Variants in PSD3 observed in about 807,000 individuals in gnomAD.
PSD3 encodes the protein pleckstrin and Sec7 domain containing 3.
A neutral mutation model predicts 105.5 loss-of-function variants in PSD3; 49 were observed. The observed-to-expected ratio is 0.46, with a 90% CI of 0.37 to 0.59. The LOEUF (loss-of-function observed/expected upper bound fraction) is 0.59. PSD3 is among the 20% of genes least tolerant of loss of function. The pLI is 0.00. For missense variants in PSD3, 1,561 were observed against 1,263.8 expected, an observed-to-expected ratio of 1.24 and a Z score of -3.57; for synonymous variants, 557 against 457.8, an observed-to-expected ratio of 1.22 and a Z score of -2.77.
chr8:18,850,022 T>C (rs1317309693), intron 4 of PSD3, among the ~76,000 whole-genome samples: 3 of 152,226 alleles, frequency 2.0e-5, no homozygotes, highest in African/African-American at 7.2e-5. Context: ...GAAATACAAA[T>C]GTTATCCTAT....
At chr8:18,755,482 CATAAA>C (rs1297523639) in intron 9 of PSD3, among the ~76,000 whole-genome samples, 49 of 151,200 alleles carry the variant, frequency 3.2e-4, no homozygotes, top group African/African-American at 1.2e-3. Context: ...CATAACATAA[CATAAA>C]AATGCTCCAA....
At chr8:18,617,086 C>G (rs13266017) in intron 11 of PSD3, among the ~76,000 whole-genome samples, 7 of 152,022 alleles carry the variant, frequency 4.6e-5, no homozygotes, top group Admixed American at 3.3e-4. Flanking sequence ...CTCTCATTCA[C>G]CTGGCTTTGG....
chr8:18,678,870 G>C (rs542691592), intron 9 of PSD3, among the ~76,000 whole-genome samples: 1 of 152,196 alleles, frequency 6.6e-6, no homozygotes, highest in South Asian at 2.1e-4. Context: ...GCCCCTTGTG[G>C]TTTGGTACAA....
At chr8:18,812,815 C>T (rs778675863) in intron 4 of PSD3, among the ~76,000 whole-genome samples, 8 of 152,142 alleles carry the variant, frequency 5.3e-5, no homozygotes, top group East Asian at 1.9e-4. Context: ...CGCTGGCCTG[C>T]GGTGGGCCCT....
At chr8:18,652,071 G>A (rs1025731057) in intron 10 of PSD3, among the ~76,000 whole-genome samples, 2 of 152,120 alleles carry the variant, frequency 1.3e-5, no homozygotes, top group African/African-American at 2.4e-5. Flanking sequence ...TGGTGTGGGA[G>A]GGTGTCAAAG....
intron 9 of PSD3, among the ~76,000 whole-genome samples, chr8:18,720,002 G>C (rs139910714): frequency 2.6e-5 from 4 of 152,180 alleles, no homozygotes; most frequent in South Asian, 2.1e-4. Flanking sequence ...GTAAAGATAC[G>C]TAAGTTTTCT....
chr8:18,586,104 A>G (rs1803168498), intron 12 of PSD3, among the ~76,000 whole-genome samples: 1 of 152,180 alleles, frequency 6.6e-6, no homozygotes, highest in Non-Finnish European at 1.5e-5. Context: ...GGCATGCAAC[A>G]TATGGGAGCA....
intron 10 of PSD3, among the ~76,000 whole-genome samples, chr8:18,640,033 C>A (rs1334874399): frequency 6.6e-6 from 1 of 151,976 alleles, no homozygotes; most frequent in Non-Finnish European, 1.5e-5. Context: ...GAGTGGGAGC[C>A]CAGGATGAGT....
At chr8:18,869,190 CTTT>C (rs10648699) in intron 3 of PSD3, among the ~76,000 whole-genome samples, 2 of 119,770 alleles carry the variant, frequency 1.7e-5, no homozygotes, top group Non-Finnish European at 1.6e-5. Flanking sequence ...CTCTCCCCTG[CTTT>C]TTTTTTTTTT....
chr8:18,984,884 C>T (rs1825423940), intron 1 of PSD3, among the ~76,000 whole-genome samples: 1 of 152,164 alleles, frequency 6.6e-6, no homozygotes, highest in Non-Finnish European at 1.5e-5. Flanking sequence ...ACTTAACCAG[C>T]TCAATGTCAC....
chr8:18,613,884 C>T lies in PSD3; in HGVS notation c.2411-13450G>A, dbSNP rs146099251. On this transcript the variant is annotated intron_variant, in intron 11 of 15. Transcript: ENST00000327040. ...CACCAGCGCTGCAACTCCTAAACAG[C>T]AACAATAAATGAACTATGGACTTGT... 4.9e-3 allele frequency among the ~76,000 whole-genome samples: 742 copies of T among 152,286 alleles called. 5 individuals are homozygous for T. Among genetic ancestry groups the T allele is most frequent in the African/African-American group, 0.016 (674 of 41,564 alleles).
chr8:18,932,161 T>C (rs1821792223), intron 2 of PSD3, among the ~76,000 whole-genome samples: 1 of 152,216 alleles, frequency 6.6e-6, no homozygotes, highest in Non-Finnish European at 1.5e-5. Flanking sequence ...CTCATTCGAT[T>C]TCCAGTACAA....
At chr8:18,862,940 G>T (rs1379262717) in intron 4 of PSD3, among the ~76,000 whole-genome samples, 1 of 151,466 alleles carries the variant, frequency 6.6e-6, no homozygotes, top group Admixed American at 6.6e-5. Context: ...AGAGTGGGCT[G>T]AAGACAGACT....
intron 15 of PSD3, among the ~76,000 whole-genome samples, chr8:18,540,270 C>A (rs952311247): frequency 6.6e-6 from 1 of 152,172 alleles, no homozygotes; most frequent in Non-Finnish European, 1.5e-5. Context: ...GTACACTTAA[C>A]GGATGACTGT....
intron 10 of PSD3, among the ~76,000 whole-genome samples, chr8:18,642,220 G>C (rs1319797324): frequency 1.3e-5 from 2 of 151,920 alleles, no homozygotes; most frequent in Admixed American, 6.6e-5. Context: ...AATACACTGG[G>C]GTCAAGCCAC....
At chr8:18,960,877 G>A (rs1473012131) in intron 1 of PSD3, among the ~76,000 whole-genome samples, 2 of 152,084 alleles carry the variant, frequency 1.3e-5, no homozygotes, top group Admixed American at 1.3e-4. Flanking sequence ...TTGAGCACAG[G>A]AGTTTGAGAT....
chr8:18,764,770 A>C (rs1038397657), intron 9 of PSD3, among the ~76,000 whole-genome samples: 14 of 152,234 alleles, frequency 9.2e-5, no homozygotes, highest in African/African-American at 3.4e-4. Flanking sequence ...CAAAAAGACA[A>C]CTGTAAAAAC....
rs145042129 is a variant in PSD3 at position 18,905,079 on chromosome 8, C to T, written c.130+30955G>A. Among the ~76,000 whole-genome samples the T allele has an allele frequency of 3.1e-3, 466 of 152,180 alleles. 2 individuals carry two copies. Among genetic ancestry groups the T allele is most frequent in the African/African-American group, 0.011 (449 of 41,514 alleles). The stretch of plus-strand genomic sequence containing the variant: ...AGCTTTGCAAATTAAAAAACTGAGG[C>T]GAGAGTGTTTTAAGTAGCTTATAGC... On this transcript the variant is annotated intron_variant, in intron 2 of 15. Coordinates refer to ENST00000327040, the MANE Select transcript of PSD3 (RefSeq NM_015310.4).
intron 9 of PSD3, among the ~76,000 whole-genome samples, chr8:18,740,151 G>A (rs1332796524): frequency 4.6e-5 from 7 of 152,076 alleles, no homozygotes; most frequent in East Asian, 1.9e-4. Flanking sequence ...CCCCTAGCAC[G>A]GCGTTGCTTT....
Sources: allele counts gnomAD v4.1 joint callset (sites outside exome capture counted in the v4.1 genomes callset), GRCh38; gene constraint gnomAD v4.1.1; transcripts MANE v1.5; gene names NCBI Gene and HGNC (gene_info 2026-07-23, HGNC 2026-07-21).